The following HELQ variants were observed in gnomAD, a reference collection of about 807,000 sequenced individuals.
The protein encoded by HELQ is helicase POLQ-like.
Under a neutral mutation model 111.6 loss-of-function variants are expected in HELQ, and 77 were observed. The ratio of observed to expected loss-of-function variants is 0.69; its 90% CI spans 0.57 to 0.83. The LOEUF (loss-of-function observed/expected upper bound fraction) is 0.83, where lower values mean the gene tolerates loss of function less well. Among genes scored for constraint, HELQ ranks in the 40% least tolerant of loss-of-function variants. The probability of loss-of-function intolerance (pLI) is 0.00; values close to 1 mark genes in which losing one functional copy is unlikely to be tolerated. For missense variants in HELQ, 1,200 were observed against 1,288.5 expected (o/e 0.93, Z 1.05); for synonymous variants, 438 against 454.7 (o/e 0.96, Z 0.47).
At chr4:83,431,610 T>C (rs1013767767) in intron 11 of HELQ, 54 bp downstream of exon 11, 3 of 792,108 alleles carry the variant, frequency 3.8e-6, no homozygotes, top group East Asian at 3.0e-5. Flanking sequence ...CATAACTTTT[T>C]AACCTCTATT....
intron 4 of HELQ, 76 bp downstream of exon 4, chr4:83,446,759 A>C: frequency 1.2e-6 from 1 of 856,514 alleles, no homozygotes; most frequent in Non-Finnish European, 1.8e-6. Context: ...GGTACTAAGT[A>C]GATCCACACA....
At chr4:83,428,638 T>A (rs1340411067) in intron 12 of HELQ, among the ~76,000 whole-genome samples, 1 of 152,054 alleles carries the variant, frequency 6.6e-6, no homozygotes, top group Middle Eastern at 3.2e-3. Context: ...CTCTAAGACA[T>A]TATATTCAGG....
Position 83,447,013 on chromosome 4 carries a change from C to CTTTT in HELQ, c.1213_1214insAAAA (p.Gly405GlufsTer10). 6.2e-7 allele frequency: 1 copy of CTTTT among 1,612,684 alleles called. No homozygotes were observed. Among genetic ancestry groups the CTTTT allele is most frequent in the Admixed American group, 1.7e-5 (1 of 59,962 alleles). Reference sequence around the variant, plus strand: ...TTCAACAAAGAAACCGAGTTCTATACCAAAACTTGACAAACCTGAAATCTA... The same window carrying CTTTT: ...TTCAACAAAGAAACCGAGTTCTATACTTTTCAAAACTTGACAAACCTGAAATCTA... On this transcript the variant is annotated frameshift_variant, in exon 4 of 18. Transcript: ENST00000295488. LOFTEE classifies it high-confidence loss of function.
chr4:83,442,363 G>A (rs1720812945), intron 6 of HELQ, among the ~76,000 whole-genome samples: 1 of 148,214 alleles, frequency 6.7e-6, no homozygotes, highest in South Asian at 2.1e-4. Context: ...AACCTTCTGG[G>A]CTTAAGTGAT....
At chr4:83,433,654 A>C (rs1453376876) in intron 9 of HELQ, among the ~76,000 whole-genome samples, 1 of 135,528 alleles carries the variant, frequency 7.4e-6, no homozygotes, top group African/African-American at 3.0e-5. Context: ...TGACAGAGCG[A>C]GACTCCGTCT....
At position 83,454,392 on chromosome 4, in the gene HELQ, G is replaced by A. The variant is rs534879402; in HGVS notation, c.298-447C>T. Among the ~76,000 whole-genome samples the A allele has an allele frequency of 5.9e-5, 9 of 152,064 alleles. No homozygotes were observed. The South Asian group carries it at 1.0e-3, about 18-fold the overall frequency. ...TAAACAGCAGGTTCAGGAGTGTTAC[G>A]ATGATACTGAGATTCTAATTTTTGA... is the stretch of plus-strand genomic sequence containing the variant. On this transcript the variant is annotated intron_variant, in intron 1 of 17. Coordinates refer to ENST00000295488, the MANE Select transcript of HELQ (RefSeq NM_133636.5).
intron 8 of HELQ, among the ~76,000 whole-genome samples, chr4:83,438,592 A>G (rs1241118891): frequency 3.3e-5 from 5 of 151,938 alleles, no homozygotes; most frequent in African/African-American, 7.3e-5. Context: ...ATTACAAAAA[A>G]TTAGTTGGGA....
Position 83,437,097 on chromosome 4 carries a change from C to G in HELQ, c.1809G>C (p.Lys603Asn). 6.2e-7 allele frequency: 1 copy of G among 1,612,002 alleles called. No homozygotes were observed. Among genetic ancestry groups the G allele is most frequent in the Middle Eastern group, 1.7e-4 (1 of 6,042 alleles). ...CTTTCTCCTTATGTTTCAGATATTC[C>G]CTATGAAAAAGATCTGTTAGAAATA... ...VAEMICKFLS[K>N]EYLKHKEKEK... Residue 603 changes from lysine (K) to asparagine (N), a missense_variant and splice_region_variant, in exon 9 of 18, where the codon AAG (lysine) becomes AAC (asparagine). Physicochemically the swap from Lys to Asn is moderately conservative, Grantham distance 94. This residue lies in a region of HELQ where 585 missense variants were observed against 665.3 expected (regional missense o/e 0.88). Transcript: ENST00000295488.
intron 9 of HELQ, among the ~76,000 whole-genome samples, chr4:83,434,585 C>T (rs1156450675): frequency 6.6e-6 from 1 of 151,928 alleles, no homozygotes; most frequent in African/African-American, 2.4e-5. Context: ...ACCTCAGCCT[C>T]TCGAGCAGCT....
chr4:83,429,337 C>T (rs927130009), intron 12 of HELQ, among the ~76,000 whole-genome samples, 187 bp downstream of exon 12: 22 of 152,130 alleles, frequency 1.4e-4, no homozygotes, highest in African/African-American at 5.3e-4. Flanking sequence ...TTAGTAGAGA[C>T]AGGGTTTTAC....
chr4:83,421,756 TA>T lies in HELQ; in HGVS notation c.2776-21del. On this transcript the variant is annotated intron_variant, in intron 14 of 17. Transcript: ENST00000295488. ...CACCTTCTAGAAAGACACAATCAAA[TA>T]AATTCGTTTACTAGACCTGCTAAAA... The T allele has an allele frequency of 1.2e-6, 2 of 1,601,652 alleles. No homozygotes were observed. The highest frequency in any genetic ancestry group is 1.7e-6 in the Non-Finnish European group (2 of 1,172,624).
At chr4:83,450,073 T>C (rs1177870164) in intron 2 of HELQ, among the ~76,000 whole-genome samples, 1 of 151,504 alleles carries the variant, frequency 6.6e-6, no homozygotes, top group African/African-American at 2.4e-5. Flanking sequence ...CCAAAGCATA[T>C]AAAACACAGC....
At chr4:83,431,827 A>G in intron 10 of HELQ, 59 bp from the exon 11 acceptor site, 1 of 692,632 alleles carries the variant, frequency 1.4e-6, no homozygotes, top group Non-Finnish European at 2.2e-6. Flanking sequence ...ATGGTATTTA[A>G]TATAAATATT....
intron 9 of HELQ, among the ~76,000 whole-genome samples, chr4:83,434,076 A>T (rs1278459354): frequency 6.6e-6 from 1 of 152,284 alleles, no homozygotes; most frequent in Non-Finnish European, 1.5e-5. Context: ...AAAAATTCAT[A>T]AAAAATTTGA....
intron 16 of HELQ, 27 bp downstream of exon 16, chr4:83,418,066 C>T: frequency 7.9e-7 from 1 of 1,267,230 alleles, no homozygotes; most frequent in Non-Finnish European, 1.1e-6. Context: ...AACATAATTT[C>T]AATTGGGAAA....
At chr4:83,445,959 T>G in intron 5 of HELQ, 55 bp downstream of exon 5, 1 of 1,133,310 alleles carries the variant, frequency 8.8e-7, no homozygotes, top group South Asian at 1.3e-5. Context: ...ATTAAGTATT[T>G]TATAAGTCTC....
At chr4:83,445,403 CTTT>C (rs1026019532) in intron 5 of HELQ, among the ~76,000 whole-genome samples, 8 of 152,014 alleles carry the variant, frequency 5.3e-5, no homozygotes, top group Non-Finnish European at 1.0e-4. Flanking sequence ...TTTTTAAATA[CTTT>C]TTAAGATTTG....
intron 17 of HELQ, among the ~76,000 whole-genome samples, chr4:83,410,099 A>C (rs1248831933): frequency 2.6e-5 from 4 of 152,090 alleles, no homozygotes; most frequent in Admixed American, 2.0e-4. Flanking sequence ...ACAACAACAA[A>C]AAATTAGCCA....
chr4:83,421,523 A>G (rs771293345), intron 15 of HELQ, 40 bp downstream of exon 15: 3 of 1,498,430 alleles, frequency 2.0e-6, no homozygotes, highest in South Asian at 1.2e-5. Context: ...TTAAAACCAG[A>G]AGATGCACAA....
Sources: allele counts gnomAD v4.1 joint callset (sites outside exome capture counted in the v4.1 genomes callset), GRCh38; gene constraint gnomAD v4.1.1; regional missense constraint gnomAD v4.1.1; transcripts MANE v1.5; gene names NCBI Gene and HGNC (gene_info 2026-07-23, HGNC 2026-07-21).